MED14: variants seen among roughly 807,000 people sequenced by gnomAD.
MED14 encodes mediator of RNA polymerase II transcription subunit 14.
Under a neutral mutation model 109.0 loss-of-function variants are expected in MED14, and 8 were observed. The observed-to-expected ratio is 0.07, with a 90% CI of 0.04 to 0.13. The LOEUF (loss-of-function observed/expected upper bound fraction) is 0.13, where lower values mean the gene tolerates loss of function less well. MED14 is among the 10% of genes least tolerant of loss of function. The probability of loss-of-function intolerance (pLI) is 1.00; values close to 1 mark genes in which losing one functional copy is unlikely to be tolerated. For missense variants in MED14, 711 were observed against 1,142.4 expected, an observed-to-expected ratio of 0.62 and a Z score of 5.44; for synonymous variants, 399 against 408.7, an observed-to-expected ratio of 0.98 and a Z score of 0.29.
intron 22 of MED14, among the ~76,000 whole-genome samples, chrX:40,673,607 C>T (rs1209632904): frequency 4.5e-5 from 5 of 110,971 alleles, no homozygotes; most frequent in Non-Finnish European, 7.6e-5. Context: ...AGCACTTTGG[C>T]AGGCCAAGGC....
chrX:40,724,205 A>T (rs927454492), intron 3 of MED14, among the ~76,000 whole-genome samples: 1 of 112,653 alleles, frequency 8.9e-6, no homozygotes, highest in Non-Finnish European at 1.9e-5. Context: ...TACTAATATT[A>T]TTAAAGAACA....
intron 21 of MED14, among the ~76,000 whole-genome samples, chrX:40,676,852 G>A (rs927146096): frequency 4.5e-5 from 5 of 111,883 alleles, no homozygotes; most frequent in Admixed American, 9.5e-5. Context: ...CCTCCTAGCC[G>A]TTCTTTCTGT....
intron 8 of MED14, among the ~76,000 whole-genome samples, 160 bp downstream of exon 8, chrX:40,711,009 A>C (rs1285725571): frequency 8.9e-6 from 1 of 112,202 alleles, no homozygotes; most frequent in Non-Finnish European, 1.9e-5. Flanking sequence ...CGCAGGTTTC[A>C]CATCTTGCAA....
chrX:40,660,829 G>A (rs982134008), intron 26 of MED14, among the ~76,000 whole-genome samples: 2 of 112,868 alleles, frequency 1.8e-5, no homozygotes, highest in African/African-American at 6.4e-5. Flanking sequence ...ATTCAAAAAC[G>A]TTTCCCCACC....
chrX:40,652,608 TTCA>T (rs1342639530), intron 30 of MED14, among the ~76,000 whole-genome samples: 2 of 111,181 alleles, frequency 1.8e-5, no homozygotes, highest in Non-Finnish European at 3.8e-5. Flanking sequence ...TTAAAAGCAC[TTCA>T]TCAGAAGAGA....
intron 11 of MED14, among the ~76,000 whole-genome samples, chrX:40,701,806 A>G (rs1328086144): frequency 8.9e-6 from 1 of 111,743 alleles, no homozygotes; most frequent in East Asian, 2.8e-4. Flanking sequence ...GATTTTGATT[A>G]ATGGGGACAA....
intron 23 of MED14, 119 bp from the exon 24 acceptor site, chrX:40,666,970 T>C (rs1018012383): frequency 1.4e-4 from 83 of 581,224 alleles, no homozygotes; most frequent in Middle Eastern, 5.7e-4. Context: ...CTCCCATATA[T>C]ATAACACAGA....
In MED14 at chrX:40,680,761, T is replaced by C; in HGVS notation, c.2607A>G (p.Leu869=). ...GACAGAAAATAAACTTAATTACCTG[T>C]AATAACTGAACCACATTTGGTGTTT... is the stretch of plus-strand genomic sequence containing the variant. ...FNKTPNVVQL[L]QVLFDTQAPL... is the part of the protein sequence containing the mutation. Residue 869 remains leucine, a synonymous_variant, in exon 20 of 31, where the codon TTA becomes TTG. Coordinates refer to ENST00000324817, the MANE Select transcript of MED14 (RefSeq NM_004229.4). The C allele has an allele frequency of 8.3e-7, 1 of 1,200,690 alleles. No homozygotes were observed. The highest frequency in any genetic ancestry group is 1.1e-6 in the Non-Finnish European group (1 of 888,567).
At chrX:40,705,541 C>A (rs1438496311) in intron 10 of MED14, among the ~76,000 whole-genome samples, 2 of 111,807 alleles carry the variant, frequency 1.8e-5, no homozygotes, top group Non-Finnish European at 1.9e-5. Flanking sequence ...TTAAAGGCAA[C>A]AGGTTTTAGG....
intron 10 of MED14, among the ~76,000 whole-genome samples, chrX:40,708,755 T>C (rs1179944225): frequency 8.9e-6 from 1 of 111,898 alleles, no homozygotes; most frequent in African/African-American, 3.2e-5. Context: ...TTGGAAGATT[T>C]TTCACTATGT....
intron 26 of MED14, among the ~76,000 whole-genome samples, chrX:40,662,693 A>G (rs778196262): frequency 8.9e-6 from 1 of 112,256 alleles, no homozygotes; most frequent in Admixed American, 9.5e-5. Context: ...TATAACATAG[A>G]AGCCACAGCA....
chrX:40,651,342 A>G lies in MED14; in HGVS notation c.*464T>C, dbSNP rs1290598713. ...GTGTGTTTATAACAACTCCCAGAACATTTCATGTAAGGATTCAAAGCGGTC... is the reference window on the plus strand; with the variant it reads ...GTGTGTTTATAACAACTCCCAGAACGTTTCATGTAAGGATTCAAAGCGGTC... On this transcript the variant is annotated 3_prime_UTR_variant, in exon 31 of 31. Coordinates refer to ENST00000324817, the MANE Select transcript of MED14 (RefSeq NM_004229.4). 2.7e-6 allele frequency: 2 copies of G among 749,227 alleles called. No individual in the cohort carries two copies. Among genetic ancestry groups the G allele is most frequent in the South Asian group, 6.8e-5 (1 of 14,671 alleles). The allele number at this position is 749,227 out of a possible 1,213,427, so 61.7% of individuals were successfully genotyped here.
chrX:40,681,432 G>C (rs1416890847), intron 19 of MED14, among the ~76,000 whole-genome samples: 3 of 111,673 alleles, frequency 2.7e-5, no homozygotes, highest in Non-Finnish European at 5.6e-5. Flanking sequence ...AAGAACTATA[G>C]ATTACAGGAA....
intron 17 of MED14, 27 bp downstream of exon 17, chrX:40,682,809 A>G: frequency 8.3e-7 from 1 of 1,209,110 alleles, no homozygotes; most frequent in Non-Finnish European, 1.1e-6. Flanking sequence ...AGAAATATGC[A>G]AAGACAAAAT....
In MED14 at chrX:40,651,457, A is replaced by T; in HGVS notation, c.*349T>A. 1 of 770,011 alleles carries T rather than the reference A, an allele frequency of 1.3e-6. No individual in the cohort carries two copies. Among genetic ancestry groups the T allele is most frequent in the Non-Finnish European group, 1.5e-6 (1 of 646,824 alleles). The allele number at this position is 770,011 out of a possible 1,213,427, so 63.5% of individuals were successfully genotyped here. A position where few individuals can be genotyped will look rare whatever the true frequency, so the allele number is the denominator to read the frequency against. Reference sequence around the variant, plus strand: ...TGCCTTAAAAAACAAAACAAAAACCAAAAAAGGACTATTACACCCAAAACA... The same window carrying T: ...TGCCTTAAAAAACAAAACAAAAACCTAAAAAGGACTATTACACCCAAAACA... On this transcript the variant is annotated 3_prime_UTR_variant, in exon 31 of 31. Transcript: ENST00000324817.
chrX:40,712,762 C>T, intron 6 of MED14, 152 bp downstream of exon 6: 2 of 511,135 alleles, frequency 3.9e-6, no homozygotes, highest in Non-Finnish European at 6.0e-6. Context: ...TGGTCTCAAA[C>T]TCCTGAGCTC....
At chrX:40,654,663 G>C in intron 29 of MED14, 107 bp from the exon 30 acceptor site, 1 of 872,439 alleles carries the variant, frequency 1.1e-6, no homozygotes, top group Non-Finnish European at 1.6e-6. Context: ...AGATAAGCAA[G>C]CAAAAGAAAA....
chrX:40,701,119 A>C (rs370451778), intron 12 of MED14, 46 bp downstream of exon 12: 5 of 951,168 alleles, frequency 5.3e-6, no homozygotes, highest in Non-Finnish European at 7.5e-6. Flanking sequence ...ATATCTTGTC[A>C]AAATAAGTTT....
intron 22 of MED14, 111 bp downstream of exon 22, chrX:40,675,110 G>A: frequency 1.5e-6 from 1 of 663,625 alleles, no homozygotes; most frequent in Non-Finnish European, 2.1e-6. Flanking sequence ...TATTTCCTGG[G>A]CATCTCAGGC....
Sources: allele counts gnomAD v4.1 joint callset (sites outside exome capture counted in the v4.1 genomes callset), GRCh38; gene constraint gnomAD v4.1.1; transcripts MANE v1.5; gene names NCBI Gene and HGNC (gene_info 2026-07-23, HGNC 2026-07-21).